The following ITGB4 variants were observed in gnomAD, a reference collection of about 807,000 sequenced individuals.
ITGB4 encodes the protein integrin subunit beta 4, also known as integrin beta-4.
In ITGB4, 159 loss-of-function variants were observed where a neutral mutation model predicts 207.6. The observed-to-expected ratio is 0.77, with a 90% CI of 0.67 to 0.87. The LOEUF (loss-of-function observed/expected upper bound fraction) is 0.87. Ranked by LOEUF, ITGB4 falls within the 40% of genes least tolerant of loss-of-function variation. The probability of loss-of-function intolerance (pLI) is 0.00; values close to 1 mark genes in which losing one functional copy is unlikely to be tolerated. For missense variants in ITGB4, 2,278 were observed against 2,546.8 expected, an observed-to-expected ratio of 0.89 and a Z score of 2.27; for synonymous variants, 1,020 against 1,062.7, an observed-to-expected ratio of 0.96 and a Z score of 0.78.
At chr17:75,735,782 T>G (rs2060962164) in intron 13 of ITGB4, among the ~76,000 whole-genome samples, 2 of 152,238 alleles carry the variant, frequency 1.3e-5, no homozygotes, top group Admixed American at 6.5e-5. Flanking sequence ...AGGGACCCAT[T>G]AGAGGTTCTT....
chr17:75,736,911 G>C (rs2060991373), intron 16 of ITGB4, among the ~76,000 whole-genome samples: 1 of 152,128 alleles, frequency 6.6e-6, no homozygotes, highest in African/African-American at 2.4e-5. Context: ...CAGAACCCAG[G>C]CGGTGGGACA....
rs1172388113 is a variant in ITGB4, at chr17:75,740,333, A to T, written c.2447-25A>T. 1 of 1,590,240 alleles carries T rather than the reference A, an allele frequency of 6.3e-7. No homozygotes were observed. ...GCAGGGGGCTGACCACCTCCATCTC[A>T]CCCCCTCCCACCGCCTTTCCTTAGT... On this transcript the variant is annotated intron_variant, in intron 20 of 39. Transcript: ENST00000200181. This position sits in a 1 kb window ranked among gnomAD's most constrained non-coding sequence, Gnocchi z 5.9.
Position 75,753,790 on chromosome 17 carries a change from G to T in ITGB4, c.4134G>T (p.Leu1378=). The part of the protein sequence containing the change: ...DTGCGWKFEP[L]LGEELDLRRV... ...GCTGCGGCTGGAAGTTCGAGCCCCT[G>T]CTGGGGGAGGAGCTGGACCTGCGGC... Residue 1378 remains leucine (L), a synonymous_variant, in exon 33 of 40, where the codon CTG becomes CTT. Transcript: ENST00000200181. 1 of 1,457,520 alleles carries T rather than the reference G, an allele frequency of 6.9e-7. No homozygotes were observed. Among genetic ancestry groups the T allele is most frequent in the African/African-American group, 1.4e-5 (1 of 69,452 alleles). 90.3% of individuals were successfully genotyped at this position (1,457,520 alleles called of 1,614,324 possible).
intron 34 of ITGB4, 162 bp downstream of exon 34, chr17:75,754,977 C>G: frequency 6.5e-7 from 1 of 1,530,504 alleles, no homozygotes; most frequent in Non-Finnish European, 8.9e-7. Flanking sequence ...CACACATGTA[C>G]ACAGACATGC....
In ITGB4 at chr17:75,757,803, G is replaced by C; in HGVS notation, c.*248G>C. Reference sequence around the variant, plus strand: ...AGCCTTTGTTCTGCACTTAATAAATGGTTTTGCTACTGCTAGGCCCTGCCT... The same window carrying C: ...AGCCTTTGTTCTGCACTTAATAAATCGTTTTGCTACTGCTAGGCCCTGCCT... On this transcript the variant is annotated 3_prime_UTR_variant, in exon 40 of 40. Coordinates refer to ENST00000200181, the MANE Select transcript of ITGB4 (RefSeq NM_000213.5). The C allele has an allele frequency of 1.5e-6, 1 of 664,014 alleles. No individual in the cohort carries two copies. Among genetic ancestry groups the C allele is most frequent in the Non-Finnish European group, 2.6e-6 (1 of 386,194 alleles). The allele number at this position is 664,014 out of a possible 1,614,324, so 41.1% of individuals were successfully genotyped here.
Position 75,755,849 on chromosome 17 carries a change from C to T in ITGB4, c.4707C>T (p.Gly1569=), listed in dbSNP as rs138928712. Reference sequence around the variant, plus strand: ...GTGTGGAGTACCAGCTGCTGAACGGCGGTGAGGCATGGTGGCTGCCAGGCT... The same window carrying T: ...GTGTGGAGTACCAGCTGCTGAACGGTGGTGAGGCATGGTGGCTGCCAGGCT... The part of the protein sequence containing the change: ...GYSVEYQLLN[G]GELHRLNIPN... The change falls in exon 35 of 40, where the codon GGC becomes GGT. Residue 1569 remains glycine, a splice_region_variant and synonymous_variant. Coordinates refer to ENST00000200181, the MANE Select transcript of ITGB4 (RefSeq NM_000213.5). 124 of 1,603,026 alleles carry T rather than the reference C, an allele frequency of 7.7e-5. No individual in the cohort carries two copies. Among genetic ancestry groups the T allele is most frequent in the African/African-American group, 5.6e-4 (42 of 74,972 alleles).
intron 1 of ITGB4, among the ~76,000 whole-genome samples, chr17:75,723,594 T>C (rs1472264089): frequency 6.6e-6 from 1 of 152,242 alleles, no homozygotes; most frequent in African/African-American, 2.4e-5. Flanking sequence ...GGCGCTGCTG[T>C]GGCCTCCTCC....
At position 75,731,293 on chromosome 17, in the gene ITGB4, C is replaced by A. The variant is rs1179203848; in HGVS notation, c.1140C>A (p.Gly380=). 6.2e-7 allele frequency: 1 copy of A among 1,613,612 alleles called. No homozygotes were observed. The highest frequency in any genetic ancestry group is 1.7e-5 in the Admixed American group (1 of 60,022). Residue 380 remains glycine (G), a synonymous_variant, in exon 10 of 40, where the codon GGC becomes GGA. Transcript: ENST00000200181. The surrounding 1 kb of genome is among the most constrained non-coding windows in gnomAD (Gnocchi z 6.8). ...LDIRALDSPR[G]LRTEVTSKMF... is the part of the protein sequence containing the mutation. ...TCCGGGCCCTAGACAGCCCCCGAGG[C>A]CTTCGGACAGAGGTCACCTCCAAGA...
In ITGB4 at chr17:75,743,000, C is replaced by A. The variant is rs896017331; in HGVS notation, c.2962+239C>A. Among the ~76,000 whole-genome samples, 4 of 152,136 alleles carry A rather than the reference C, an allele frequency of 2.6e-5. No homozygotes were observed. Among genetic ancestry groups the A allele is most frequent in the Non-Finnish European group, 5.9e-5 (4 of 68,014 alleles). Reference sequence around the variant, plus strand: ...CAGTAAATGGAAGCTTCTGTTGCATCCTCATAAGGGCCAGCCCCTTGCTCC... The same window carrying A: ...CAGTAAATGGAAGCTTCTGTTGCATACTCATAAGGGCCAGCCCCTTGCTCC... On this transcript the variant is annotated intron_variant, in intron 25 of 39. Coordinates refer to ENST00000200181, the MANE Select transcript of ITGB4 (RefSeq NM_000213.5). This position sits in a 1 kb window ranked among gnomAD's most constrained non-coding sequence, Gnocchi z 5.9.
Position 75,742,699 on chromosome 17 carries a change from T to A in ITGB4, c.2900T>A (p.Val967Glu). The change falls in exon 25 of 40, where the codon GTG becomes GAG. Residue 967 changes from valine (V) to glutamate (E), a missense_variant. Coordinates refer to ENST00000200181, the MANE Select transcript of ITGB4 (RefSeq NM_000213.5). The surrounding 1 kb of genome is among the most constrained non-coding windows in gnomAD (Gnocchi z 5.9). ...EKQLLVEAIDVPAGTATLGRR... is the reference protein window; with the variant it reads ...EKQLLVEAIDEPAGTATLGRR... Reference sequence around the variant, plus strand: ...CAGCTGCTGGTGGAGGCCATCGACGTGCCCGCAGGCACTGCCACCCTCGGC... The same window carrying A: ...CAGCTGCTGGTGGAGGCCATCGACGAGCCCGCAGGCACTGCCACCCTCGGC... The A allele has an allele frequency of 6.2e-7, 1 of 1,613,760 alleles. No homozygotes were observed. The highest frequency in any genetic ancestry group is 8.5e-7 in the Non-Finnish European group (1 of 1,180,024).
chr17:75,750,634 G>C lies in ITGB4; in HGVS notation c.3475-46G>C. On this transcript the variant is annotated intron_variant, in intron 28 of 39. Coordinates refer to ENST00000200181, the MANE Select transcript of ITGB4 (RefSeq NM_000213.5). The surrounding 1 kb of genome is among the most constrained non-coding windows in gnomAD (Gnocchi z 5.5). ...GTCAGAGGAGGGACAGGCAGCTTGGGTGCCTGCTGCTCCCTGCTGACCAGG... is the reference window on the plus strand; with the variant it reads ...GTCAGAGGAGGGACAGGCAGCTTGGCTGCCTGCTGCTCCCTGCTGACCAGG... 2.6e-6 allele frequency: 4 copies of C among 1,568,002 alleles called. No individual in the cohort carries two copies. In the South Asian group the frequency reaches 4.5e-5, roughly 18 times the overall value.
Position 75,731,971 on chromosome 17 carries a change from C to G in ITGB4, c.1375C>G (p.Leu459Val). The change falls in exon 11 of 40, where the codon CTG (leucine) becomes GTG (valine). Residue 459 changes from leucine (L) to valine (V), a missense_variant and splice_region_variant. Physicochemically the swap from Leu to Val is conservative, Grantham distance 32 (BLOSUM62 1). Coordinates refer to ENST00000200181, the MANE Select transcript of ITGB4 (RefSeq NM_000213.5). This position sits in a 1 kb window ranked among gnomAD's most constrained non-coding sequence, Gnocchi z 6.8. Reference sequence around the variant, plus strand: ...CATCTGTGATGTGTGCACCTGCGAGCTGGTACAACGCAGCCCCGCAGGGCG... The same window carrying G: ...CATCTGTGATGTGTGCACCTGCGAGGTGGTACAACGCAGCCCCGCAGGGCG... The part of the protein sequence containing the change: ...GIICDVCTCE[L>V]QKEVRSARCS... 1 of 1,614,036 alleles carries G rather than the reference C, an allele frequency of 6.2e-7. No individual in the cohort carries two copies. Among genetic ancestry groups the G allele is most frequent in the Non-Finnish European group, 8.5e-7 (1 of 1,180,036 alleles).
In ITGB4 at chr17:75,755,779, T is replaced by G. The variant is rs2061483940; in HGVS notation, c.4637T>G (p.Val1546Gly). 6.2e-7 allele frequency: 1 copy of G among 1,612,348 alleles called. No homozygotes were observed. Among genetic ancestry groups the G allele is most frequent in the Non-Finnish European group, 8.5e-7 (1 of 1,179,908 alleles). The part of the protein sequence containing the change: ...FSALGPTSLR[V>G]SWQEPRCERP... ...GCCCTGGGGCCCACATCTCTCAGAGTGAGCTGGCAGGAGCCGCGGTGCGAG... is the reference window on the plus strand; with the variant it reads ...GCCCTGGGGCCCACATCTCTCAGAGGGAGCTGGCAGGAGCCGCGGTGCGAG... Residue 1546 changes from valine (V) to glycine (G), a missense_variant, in exon 35 of 40, where the codon GTG becomes GGG. Physicochemically the swap from Val to Gly is moderately radical, Grantham distance 109. Transcript: ENST00000200181.
At position 75,727,598 on chromosome 17, in the gene ITGB4, A is replaced by G; in HGVS notation, c.265-53A>G. The G allele has an allele frequency of 1.3e-6, 2 of 1,580,902 alleles. No homozygotes were observed. The highest frequency in any genetic ancestry group is 2.3e-5 in the East Asian group (1 of 43,398). On this transcript the variant is annotated intron_variant, in intron 4 of 39. Coordinates refer to ENST00000200181, the MANE Select transcript of ITGB4 (RefSeq NM_000213.5). This position sits in a 1 kb window ranked among gnomAD's most constrained non-coding sequence, Gnocchi z 6.0. The stretch of plus-strand genomic sequence containing the variant: ...TGCCCCTTGGCCGGGCTGGGCCCCC[A>G]TCGGGCCTCCGGAGTGACCCTCTAG...
At chr17:75,741,103 A>G in intron 23 of ITGB4, 98 bp downstream of exon 23, 1 of 1,358,952 alleles carries the variant, frequency 7.4e-7, no homozygotes, top group Non-Finnish European at 1.0e-6. Flanking sequence ...TCTCCATCCC[A>G]TAGGAAGGGA....
At chr17:75,735,383 G>GGC (rs2060951069) in intron 13 of ITGB4, among the ~76,000 whole-genome samples, 1 of 149,492 alleles carries the variant, frequency 6.7e-6, no homozygotes, top group South Asian at 2.1e-4. Flanking sequence ...CACCACGCCC[G>GGC]GCTGACAGTT....
chr17:75,731,359 G>A lies in ITGB4; in HGVS notation c.1206G>A (p.Arg402=), dbSNP rs1387486081. ...KTRTGSFHIR[R]GEVGIYQVQL... ...GGACTGGGTCCTTTCACATCCGGCG[G>A]GGGGAAGTGGTACGCCTCTGTGGGG... The change falls in exon 10 of 40, where the codon CGG becomes CGA. Residue 402 remains arginine (R), a synonymous_variant. Transcript: ENST00000200181. The surrounding 1 kb of genome is among the most constrained non-coding windows in gnomAD (Gnocchi z 6.8). The A allele has an allele frequency of 6.2e-7, 1 of 1,612,398 alleles. No individual in the cohort carries two copies. Among genetic ancestry groups the A allele is most frequent in the African/African-American group, 1.3e-5 (1 of 74,928 alleles).
intron 35 of ITGB4, 57 bp from the exon 36 acceptor site, chr17:75,756,372 C>T: frequency 6.3e-7 from 1 of 1,589,612 alleles, no homozygotes; most frequent in Non-Finnish European, 8.6e-7. Context: ...CGAGGAGGAT[C>T]AGGCCAGGGG....
At chr17:75,733,813 G>T in intron 13 of ITGB4, 121 bp downstream of exon 13, 1 of 1,158,472 alleles carries the variant, frequency 8.6e-7, no homozygotes, top group South Asian at 1.3e-5. Flanking sequence ...CCAAGTTCAG[G>T]CCCAGCCCAC....
Sources: allele counts gnomAD v4.1 joint callset (sites outside exome capture counted in the v4.1 genomes callset), GRCh38; gene constraint gnomAD v4.1.1; non-coding constraint Gnocchi (gnomAD v3.1); transcripts MANE v1.5; gene names NCBI Gene and HGNC (gene_info 2026-07-23, HGNC 2026-07-21).